Variants in TTN observed in about 807,000 individuals in gnomAD.
The protein encoded by TTN is connectin.
TTN carries 1,525 observed loss-of-function variants against 3,223.0 expected under a neutral mutation model. The observed-to-expected ratio is 0.47, with a 90% confidence interval of 0.45 to 0.49. The LOEUF (loss-of-function observed/expected upper bound fraction) is 0.49. Ranked by LOEUF, TTN falls within the 20% of genes least tolerant of loss-of-function variation. TTN has a pLI of 0.00. For synonymous variants in TTN, 14,094 were observed against 15,161.0 expected, an observed-to-expected ratio of 0.93 and a Z score of 5.17; for missense variants, 40,786 against 43,424.0, an observed-to-expected ratio of 0.94 and a Z score of 5.40.
At position 178,561,282 on chromosome 2, in the gene TTN, T is replaced by C. The variant is rs1408628454; in HGVS notation, c.84850A>G (p.Ile28284Val). Residue 28284 changes from isoleucine to valine, a missense_variant, in exon 326 of 363, where the codon ATC becomes GTC. Ile to Val is a conservative substitution (Grantham distance 29). Coordinates refer to ENST00000589042, the MANE Select transcript of TTN (RefSeq NM_001267550.2). ...CTGCGTTCAACAATGTATCCTGTGATCTTAGCTCCACCATCATAATGTGGT... is the reference window on the plus strand; with the variant it reads ...CTGCGTTCAACAATGTATCCTGTGACCTTAGCTCCACCATCATAATGTGGT... ...SKPHYDGGAKITGYIVERREL... is the reference protein window; with the variant it reads ...SKPHYDGGAKVTGYIVERREL... 2 of 1,613,822 alleles carry C rather than the reference T, an allele frequency of 1.2e-6. No homozygotes were observed. Among genetic ancestry groups the C allele is most frequent in the Non-Finnish European group, 1.7e-6 (2 of 1,179,794 alleles).
In TTN at chr2:178,624,720, C is replaced by T; in HGVS notation, c.44560G>A (p.Glu14854Lys). The change falls in exon 242 of 363, where the codon GAA (glutamate) becomes AAA (lysine). Residue 14854 changes from glutamate (E) to lysine (K), a missense_variant. Glu to Lys is a moderately conservative substitution (Grantham distance 56, BLOSUM62 1). Coordinates refer to ENST00000589042, the MANE Select transcript of TTN (RefSeq NM_001267550.2). ...TGGTCCTCAAGAGGCTTAGTGAATT[C>T]AACTGGGGGTTCTGAAAGAATCATA... ...ANLFVKEPPV[E>K]FTKPLEDQTV... 1 of 1,612,198 alleles carries T rather than the reference C, an allele frequency of 6.2e-7. No homozygotes were observed. The highest frequency in any genetic ancestry group is 8.5e-7 in the Non-Finnish European group (1 of 1,178,890).
chr2:178,590,205 T>C lies in TTN; in HGVS notation c.61520A>G (p.Asp20507Gly). The C allele has an allele frequency of 6.2e-7, 1 of 1,607,954 alleles. No individual in the cohort carries two copies. Residue 20507 changes from aspartate (D) to glycine (G), a missense_variant, in exon 304 of 363, where the codon GAC (aspartate) becomes GGC (glycine). Transcript: ENST00000589042. ...LARVKGRPEPDITWTKEGKVL... is the reference protein window; with the variant it reads ...LARVKGRPEPGITWTKEGKVL... Reference sequence around the variant, plus strand: ...TTTGCCTTCCTTAGTCCAAGTTATGTCTGGTTCAGGTCTGCCTTTGACTCG... The same window carrying C: ...TTTGCCTTCCTTAGTCCAAGTTATGCCTGGTTCAGGTCTGCCTTTGACTCG...
At chr2:178,580,689 A>C (rs1575897241) in intron 316 of TTN, 80 bp from the exon 317 acceptor site, 1 of 1,310,396 alleles carries the variant, frequency 7.6e-7, no homozygotes, top group East Asian at 2.5e-5. Context: ...GTCACTCCTA[A>C]AATACATTTA....
chr2:178,611,074 G>A lies in TTN; in HGVS notation c.51055C>T (p.Arg17019Cys), dbSNP rs773394284. The A allele has an allele frequency of 1.7e-5, 28 of 1,612,628 alleles. 1 individual carries two copies. Among genetic ancestry groups the A allele is most frequent in the Admixed American group, 5.0e-5 (3 of 59,932 alleles). Residue 17019 changes from arginine (R) to cysteine (C), a missense_variant, in exon 270 of 363, where the codon CGT becomes TGT. Coordinates refer to ENST00000589042, the MANE Select transcript of TTN (RefSeq NM_001267550.2). ...ATGGTATAAATTCCGGCATCTGCAC[G>A]GACACTCTTGGGAACTTCAAGGTGT... ...SAHLEVPKSV[R>C]ADAGIYTITL...
chr2:178,624,272 G>C (rs2058709885), intron 242 of TTN, among the ~76,000 whole-genome samples, 193 bp downstream of exon 242: 1 of 151,876 alleles, frequency 6.6e-6, no homozygotes, highest in Admixed American at 6.6e-5. Flanking sequence ...AATCAGACCA[G>C]ACATAGAATA....
rs2154142503 is a variant in TTN, at chr2:178,542,373, A to G, written c.97383T>C (p.Phe32461=). The G allele has an allele frequency of 1.9e-6, 3 of 1,613,640 alleles. No homozygotes were observed. The highest frequency in any genetic ancestry group is 2.5e-6 in the Non-Finnish European group (3 of 1,179,714). ...ACTCATTTCCTTCGGTGAGTCTGGT[A>G]AACTTAAACGTGGACCTAGTCACTG... ...SESVTRSTFK[F]TRLTEGNEYV... is the part of the protein sequence containing the mutation. The change falls in exon 349 of 363, where the codon TTT becomes TTC. Residue 32461 remains phenylalanine (F), a synonymous_variant. Transcript: ENST00000589042.
chr2:178,529,016 A>C lies in TTN; in HGVS notation c.106735T>G (p.Ser35579Ala). 1 of 1,613,900 alleles carries C rather than the reference A, an allele frequency of 6.2e-7. No homozygotes were observed. Among genetic ancestry groups the C allele is most frequent in the Non-Finnish European group, 8.5e-7 (1 of 1,179,864 alleles). Residue 35579 changes from serine (S) to alanine (A), a missense_variant, in exon 360 of 363, where the codon TCA becomes GCA. Ser to Ala is a moderately conservative substitution (Grantham distance 99, BLOSUM62 1). Coordinates refer to ENST00000589042, the MANE Select transcript of TTN (RefSeq NM_001267550.2). ...GATTTTTCCAGGGAGGTTGCTGCTG[A>C]TTTCTTGACTTCTTCAGAAATCAGA... Reference protein sequence around the residue: ...KVLISEEVKKSAATSLEKSIV... With the variant: ...KVLISEEVKKAAATSLEKSIV...
intron 321 of TTN, 67 bp downstream of exon 321, chr2:178,578,544 T>A (rs1326407575): frequency 1.0e-5 from 13 of 1,250,078 alleles, no homozygotes. Context: ...CATGTTCAAC[T>A]GTTCTCAGGG....
At chr2:178,790,362 T>G (rs1220452262) in intron 11 of TTN, among the ~76,000 whole-genome samples, 9 of 152,258 alleles carry the variant, frequency 5.9e-5, no homozygotes, top group Admixed American at 5.9e-4. Flanking sequence ...AGTGCTATTT[T>G]GTACTTTTCA....
At chr2:178,648,174 T>C (rs1284927392) in intron 213 of TTN, among the ~76,000 whole-genome samples, 1 of 152,144 alleles carries the variant, frequency 6.6e-6, no homozygotes. Context: ...TCTTTGAAGC[T>C]TCCTATTGCC....
Position 178,717,116 on chromosome 2 carries a change from A to C in TTN, c.25618T>G (p.Ser8540Ala), listed in dbSNP as rs77120780. ...GTACCTTGTACACCCAGCTGAGCAG[A>C]ACAAGAGTCTTTTCCAGCGATGTTG... ...ASNIAGKDSC[S>A]AQLGVQEPPR... Residue 8540 changes from serine (S) to alanine (A), a missense_variant, in exon 88 of 363, where the codon TCT becomes GCT. Ser to Ala is a moderately conservative substitution (Grantham distance 99). Transcript: ENST00000589042. The C allele has an allele frequency of 6.2e-7, 1 of 1,613,194 alleles. No homozygotes were observed. The highest frequency in any genetic ancestry group is 1.7e-5 in the Admixed American group (1 of 59,992).
chr2:178,720,764 A>G (rs2078232892), intron 79 of TTN, 101 bp from the exon 80 acceptor site: 1 of 1,383,202 alleles, frequency 7.2e-7, no homozygotes, highest in Non-Finnish European at 9.6e-7. Flanking sequence ...TGATCATATG[A>G]CAATACATGC....
rs781002289 is a variant in TTN, at chr2:178,580,555, G to A, written c.66824C>T (p.Ala22275Val). The A allele has an allele frequency of 6.2e-7, 1 of 1,612,622 alleles. No homozygotes were observed. The highest frequency in any genetic ancestry group is 8.5e-7 in the Non-Finnish European group (1 of 1,179,232). The change falls in exon 317 of 363, where the codon GCT (alanine) becomes GTT (valine). Residue 22275 changes from alanine (A) to valine (V), a missense_variant. By Grantham distance (64) the Ala-to-Val change is moderately conservative (BLOSUM62 0). Transcript: ENST00000589042. Reference protein sequence around the residue: ...ADLRKTLILRAGVTMRLYVPV... With the variant: ...ADLRKTLILRVGVTMRLYVPV... ...TACATATAGTCTCATAGTAACTCCAGCACGTAATATGAGTGTCTTCCTTAA... is the reference window on the plus strand; with the variant it reads ...TACATATAGTCTCATAGTAACTCCAACACGTAATATGAGTGTCTTCCTTAA...
intron 98 of TTN, 136 bp from the exon 99 acceptor site, chr2:178,709,992 G>A (rs561743502): frequency 2.3e-6 from 2 of 859,896 alleles, no homozygotes; most frequent in Non-Finnish European, 3.5e-6. Flanking sequence ...ATCAGAATAT[G>A]TTCCTAAACA....
At position 178,589,852 on chromosome 2, in the gene TTN, T is replaced by C. The variant is rs2049837055; in HGVS notation, c.61873A>G (p.Lys20625Glu). Residue 20625 changes from lysine (K) to glutamate (E), a missense_variant, in exon 304 of 363, where the codon AAA (lysine) becomes GAA (glutamate). Coordinates refer to ENST00000589042, the MANE Select transcript of TTN (RefSeq NM_001267550.2). The stretch of plus-strand genomic sequence containing the variant: ...AAAAGGTTGGCCTTGATTAATCGTT[T>C]AGTGACATCTGATGCAACAATTGAC... ...GWSIVASDVT[K>E]RLIKANLLAN... is the part of the protein sequence containing the mutation. 2 of 1,613,482 alleles carry C rather than the reference T, an allele frequency of 1.2e-6. No homozygotes were observed. The highest frequency in any genetic ancestry group is 1.7e-6 in the Non-Finnish European group (2 of 1,179,596).
Position 178,766,656 on chromosome 2 carries a change from C to T in TTN, c.9472-44G>A, listed in dbSNP as rs149841402. The T allele has an allele frequency of 5.3e-4, 793 of 1,501,378 alleles. 8 individuals are homozygous for T. In the East Asian group the frequency reaches 0.015, roughly 28 times the overall value. 93.0% of individuals were successfully genotyped at this position (1,501,378 alleles called of 1,614,324 possible). On this transcript the variant is annotated intron_variant, in intron 40 of 362. Transcript: ENST00000589042. ...AAAAAAACAACAACAACAACAAAAA[C>T]TTGAAGCTCTGGTTTCCTCCCAGTT...
chr2:178,760,002 C>T (rs7600001), intron 43 of TTN, among the ~76,000 whole-genome samples: 5,179 of 152,208 alleles, frequency 0.034, 290 homozygotes, highest in African/African-American at 0.12. Flanking sequence ...GTTTGAATAG[C>T]CAAAATCAAA....
rs878986094 is a variant in TTN at position 178,739,866 on chromosome 2, G to T, written c.13367C>A (p.Thr4456Asn). The change falls in exon 48 of 363, where the codon ACC (threonine) becomes AAC (asparagine). Residue 4456 changes from threonine (T) to asparagine (N), a missense_variant. By Grantham distance (65) the Thr-to-Asn change is moderately conservative (BLOSUM62 0). Transcript: ENST00000589042. ...AGGATCAACATCTTCAATAATGATGGTTACTTCTTCTGTTACAGACTTTGC... is the reference window on the plus strand; with the variant it reads ...AGGATCAACATCTTCAATAATGATGTTTACTTCTTCTGTTACAGACTTTGC... ...TSAKSVTEEV[T>N]IIIEDVDPQM... 1.2e-6 allele frequency: 2 copies of T among 1,613,664 alleles called. No homozygotes were observed. The highest frequency in any genetic ancestry group is 1.7e-6 in the Non-Finnish European group (2 of 1,179,818).
rs1455118621 is a variant in TTN, at chr2:178,528,530, G to C, written c.107221C>G (p.Pro35741Ala). The change falls in exon 360 of 363, where the codon CCA becomes GCA. Residue 35741 changes from proline (P) to alanine (A), a missense_variant and splice_region_variant. Coordinates refer to ENST00000589042, the MANE Select transcript of TTN (RefSeq NM_001267550.2). ...PEIEWFKNNL[P>A]ISISSNVSIS... ...AATATATTCATAATTAAACTTACTG[G>C]CAGGTTGTTTTTAAACCATTCGATT... 1.2e-6 allele frequency: 2 copies of C among 1,603,354 alleles called. No homozygotes were observed. Among genetic ancestry groups the C allele is most frequent in the African/African-American group, 2.7e-5 (2 of 74,532 alleles).
Sources: gnomAD v4.1 joint callset for allele counts (sites outside exome capture counted in the v4.1 genomes callset) on GRCh38, gnomAD v4.1.1 for gene constraint, MANE v1.5 for transcripts, NCBI Gene and HGNC (gene_info 2026-07-23, HGNC 2026-07-21) for gene names.